Variants in TDRD10 observed in about 807,000 individuals in gnomAD.
The protein encoded by TDRD10 is tudor domain-containing protein 10.
A neutral mutation model predicts 48.0 loss-of-function variants in TDRD10; 40 were observed. The observed-to-expected ratio is 0.83, with a 90% CI of 0.65 to 1.09. The LOEUF (loss-of-function observed/expected upper bound fraction) is 1.09. Among genes scored for constraint, TDRD10 ranks in the 50% least tolerant of loss-of-function variants. The probability of loss-of-function intolerance (pLI) is 0.00; values close to 1 mark genes in which losing one functional copy is unlikely to be tolerated. For missense variants in TDRD10, 378 were observed against 434.7 expected (o/e 0.87, Z 1.16); for synonymous variants, 162 against 170.4 (o/e 0.95, Z 0.38).
At chr1:154,546,803 A>T (rs1423085533) in intron 11 of TDRD10, among the ~76,000 whole-genome samples, 1 of 152,200 alleles carries the variant, frequency 6.6e-6, no homozygotes, top group East Asian at 1.9e-4. Flanking sequence ...GGATGAGGAA[A>T]ATACAGCTCA....
intron 1 of TDRD10, among the ~76,000 whole-genome samples, chr1:154,505,044 A>G (rs1311520053): frequency 6.6e-6 from 1 of 152,214 alleles, no homozygotes; most frequent in Non-Finnish European, 1.5e-5. Context: ...CTCCAGACCA[A>G]ACAATAGATT....
In TDRD10 at chr1:154,507,295, A is replaced by AGT. The variant is rs1272742753; in HGVS notation, c.60_61dup (p.Leu21CysfsTer35). Reference sequence around the variant, plus strand: ...CTGATAAACTGTTTGGGAAGAATGGAGTGTTGGAGGAGCAGAAATCTCCAG... The same window carrying AGT: ...CTGATAAACTGTTTGGGAAGAATGGAGTGTGTTGGAGGAGCAGAAATCTCCAG... On this transcript the variant is annotated frameshift_variant, in exon 3 of 13. Transcript: ENST00000368482. LOFTEE classifies it high-confidence loss of function. 2.5e-6 allele frequency: 4 copies of AGT among 1,613,956 alleles called. No homozygotes were observed. Among genetic ancestry groups the AGT allele is most frequent in the Non-Finnish European group, 3.4e-6 (4 of 1,180,020 alleles).
chr1:154,542,602 G>T, intron 7 of TDRD10, 129 bp from the exon 8 acceptor site: 1 of 629,856 alleles, frequency 1.6e-6, no homozygotes, highest in South Asian at 2.0e-5. Flanking sequence ...CTGAGAAGTT[G>T]GAGGGTGCAG....
intron 4 of TDRD10, among the ~76,000 whole-genome samples, chr1:154,508,986 T>C (rs2149312616): frequency 6.6e-6 from 1 of 152,080 alleles, no homozygotes; most frequent in Admixed American, 6.6e-5. Flanking sequence ...CCAACAAACC[T>C]GAAATAATTA....
Position 154,547,393 on chromosome 1 carries a change from G to A in TDRD10, c.953-16G>A, listed in dbSNP as rs1161501589. ...CCCGTGCCACTGAGGTTTTGTTGTTGTGTCTTGTTTTGCAGACATTTTGAG... is the reference window on the plus strand; with the variant it reads ...CCCGTGCCACTGAGGTTTTGTTGTTATGTCTTGTTTTGCAGACATTTTGAG... On this transcript the variant is annotated splice_polypyrimidine_tract_variant and intron_variant, in intron 11 of 12. Coordinates refer to ENST00000368482, the MANE Select transcript of TDRD10 (RefSeq NM_182499.4). 4 of 1,614,002 alleles carry A rather than the reference G, an allele frequency of 2.5e-6. No individual in the cohort carries two copies. The highest frequency in any genetic ancestry group is 3.3e-5 in the Admixed American group (2 of 60,000).
At chr1:154,514,153 G>A (rs1693627145) in intron 4 of TDRD10, among the ~76,000 whole-genome samples, 1 of 152,258 alleles carries the variant, frequency 6.6e-6, no homozygotes, top group Admixed American at 6.5e-5. Flanking sequence ...TCACGCCACC[G>A]CATTCCAGCC....
chr1:154,535,326 C>G (rs1364024196), intron 6 of TDRD10, among the ~76,000 whole-genome samples: 3 of 151,320 alleles, frequency 2.0e-5, no homozygotes, highest in African/African-American at 7.3e-5. Context: ...GAGATCATGC[C>G]ACTGCACTCC....
chr1:154,545,963 T>C (rs1412724915), intron 11 of TDRD10, among the ~76,000 whole-genome samples: 1 of 120,332 alleles, frequency 8.3e-6, no homozygotes, highest in Non-Finnish European at 1.7e-5. Flanking sequence ...TTAGTAGAGA[T>C]GGGGTTTCAC....
In TDRD10 at chr1:154,506,822, A is replaced by AC; in HGVS notation, c.-27-55_-27-54insC. ...TTACCACAGTACCTATTCGGTGGTT[A>AC]TATGATGGTGAACTATCCTGGCATT... On this transcript the variant is annotated intron_variant, in intron 1 of 12. Transcript: ENST00000368482. 2.7e-6 allele frequency: 4 copies of AC among 1,489,448 alleles called. No homozygotes were observed. The East Asian group carries it at 9.0e-5, about 34-fold the overall frequency. 92.3% of individuals were successfully genotyped at this position (1,489,448 alleles called of 1,614,324 possible). A position where few individuals can be genotyped will look rare whatever the true frequency, so the allele number is the denominator to read the frequency against.
At chr1:154,526,965 A>G (rs1694352944) in intron 6 of TDRD10, among the ~76,000 whole-genome samples, 1 of 151,544 alleles carries the variant, frequency 6.6e-6, no homozygotes, top group Admixed American at 6.6e-5. Flanking sequence ...GCTGGAGTGC[A>G]GTGGCACAGT....
intron 6 of TDRD10, among the ~76,000 whole-genome samples, chr1:154,540,889 C>T (rs1308865633): frequency 1.3e-5 from 2 of 152,120 alleles, no homozygotes; most frequent in South Asian, 4.1e-4. Flanking sequence ...CCAAGAGATG[C>T]GTTTCTGCAA....
chr1:154,529,768 C>T (rs1557826812), intron 6 of TDRD10, among the ~76,000 whole-genome samples: 2 of 152,088 alleles, frequency 1.3e-5, no homozygotes, highest in Non-Finnish European at 2.9e-5. Context: ...TGGTCTTGAA[C>T]TCCTGACCTC....
At chr1:154,539,389 C>T (rs565059154) in intron 6 of TDRD10, among the ~76,000 whole-genome samples, 1 of 152,278 alleles carries the variant, frequency 6.6e-6, no homozygotes, top group African/African-American at 2.4e-5. Flanking sequence ...GCAACCTCCG[C>T]CTCCCCGGGT....
intron 6 of TDRD10, among the ~76,000 whole-genome samples, chr1:154,530,232 C>T (rs1286000622): frequency 6.6e-6 from 1 of 152,084 alleles, no homozygotes; most frequent in Non-Finnish European, 1.5e-5. Context: ...CCAGGCTGGT[C>T]TTGAACTCCT....
chr1:154,506,824 A>G lies in TDRD10; in HGVS notation c.-27-53A>G. 2.0e-6 allele frequency: 3 copies of G among 1,506,832 alleles called. No homozygotes were observed. The East Asian group carries it at 6.8e-5, about 34-fold the overall frequency. 93.3% of individuals were successfully genotyped at this position (1,506,832 alleles called of 1,614,324 possible). A position where few individuals can be genotyped will look rare whatever the true frequency, so the allele number is the denominator to read the frequency against. On this transcript the variant is annotated intron_variant, in intron 1 of 12. Transcript: ENST00000368482. ...ACCACAGTACCTATTCGGTGGTTATATGATGGTGAACTATCCTGGCATTCC... is the reference window on the plus strand; with the variant it reads ...ACCACAGTACCTATTCGGTGGTTATGTGATGGTGAACTATCCTGGCATTCC...
chr1:154,518,987 A>AGAGTCTGGAG (rs1282766611), intron 4 of TDRD10, among the ~76,000 whole-genome samples: 1 of 152,220 alleles, frequency 6.6e-6, no homozygotes, highest in Non-Finnish European at 1.5e-5. Context: ...TAGGATTTGA[A>AGAGTCTGGAG]GAGTCTGGAG....
At chr1:154,532,844 C>T (rs1005172523) in intron 6 of TDRD10, among the ~76,000 whole-genome samples, 16 of 152,236 alleles carry the variant, frequency 1.1e-4, no homozygotes, top group African/African-American at 3.1e-4. Context: ...GCTCCCTACT[C>T]AGCCTCTAAG....
rs1692834236 is a variant in TDRD10 at position 154,502,472 on chromosome 1, C to T, written c.-585C>T. On this transcript the variant is annotated 5_prime_UTR_variant, in exon 1 of 13. Coordinates refer to ENST00000368482, the MANE Select transcript of TDRD10 (RefSeq NM_182499.4). The stretch of plus-strand genomic sequence containing the variant: ...GCGCCCCTCCCCTCCGCGGCTGGCG[C>T]CTCCCAGCCCCGCCACCTCCTGCCC... 1 of 152,270 alleles carries T rather than the reference C, an allele frequency of 6.6e-6. No homozygotes were observed. The highest frequency in any genetic ancestry group is 2.1e-4 in the South Asian group (1 of 4,838). The allele number at this position is 152,270 out of a possible 1,614,324, so 9.4% of individuals were successfully genotyped here. A position where few individuals can be genotyped will look rare whatever the true frequency, so the allele number is the denominator to read the frequency against.
intron 11 of TDRD10, among the ~76,000 whole-genome samples, chr1:154,545,927 ATTTTTTTTTTTT>A (rs559924225): frequency 7.0e-5 from 6 of 85,498 alleles, no homozygotes; most frequent in East Asian, 6.3e-4. Context: ...CACCCAGCTA[ATTTTTTTTTTTT>A]TTTTTTTTTT....
Sources: allele counts gnomAD v4.1 joint callset (sites outside exome capture counted in the v4.1 genomes callset), GRCh38; gene constraint gnomAD v4.1.1; transcripts MANE v1.5; gene names NCBI Gene and HGNC (gene_info 2026-07-23, HGNC 2026-07-21).